Variants in ZNF503 observed in about 807,000 individuals in gnomAD.
ZNF503 encodes zinc finger protein 503.
In ZNF503, 15 loss-of-function variants were observed where a neutral mutation model predicts 34.4. That is an observed-to-expected ratio of 0.44 (90% confidence interval 0.29 to 0.67). The LOEUF (loss-of-function observed/expected upper bound fraction) is 0.67, where lower values mean the gene tolerates loss of function less well. ZNF503 is among the 30% of genes least tolerant of loss of function. ZNF503 has a pLI of 0.13. For missense variants in ZNF503, 1,007 were observed against 926.8 expected, an observed-to-expected ratio of 1.09 and a Z score of -1.12; for synonymous variants, 580 against 456.8, an observed-to-expected ratio of 1.27 and a Z score of -3.44.
chr10:75,304,097 G>C, the ZNF503 span, among the ~76,000 whole-genome samples: 1 of 152,288 alleles, frequency 6.6e-6, no homozygotes, highest in Admixed American at 6.5e-5. Flanking sequence ...GCCTCCCGAA[G>C]TGCTGGGATT....
chr10:75,333,265 G>A, the ZNF503 span, among the ~76,000 whole-genome samples: 188 of 95,058 alleles, frequency 2.0e-3, no homozygotes, highest in African/African-American at 8.0e-3. Context: ...CGGACGGGGC[G>A]GCTGGCCGGG....
chr10:75,333,001 A>G, the ZNF503 span, among the ~76,000 whole-genome samples: 1 of 146,470 alleles, frequency 6.8e-6, no homozygotes. Context: ...CACACCTCCC[A>G]GACGGGGTGG....
chr10:75,342,302 G>GT, the ZNF503 span, among the ~76,000 whole-genome samples: 2 of 152,072 alleles, frequency 1.3e-5, no homozygotes, highest in African/African-American at 2.4e-5. Context: ...GCTCCCACTT[G>GT]TTTTTTTGGT....
the ZNF503 span, among the ~76,000 whole-genome samples, chr10:75,334,029 G>T: frequency 2.3e-5 from 3 of 127,828 alleles, no homozygotes; most frequent in East Asian, 2.2e-4. Flanking sequence ...TGGCGGCCGG[G>T]CGGAGACGCT....
the ZNF503 span, among the ~76,000 whole-genome samples, chr10:75,320,395 C>T: frequency 6.6e-6 from 1 of 152,124 alleles, no homozygotes; most frequent in African/African-American, 2.4e-5. Flanking sequence ...ACAGGAGAAT[C>T]ACTTGAACCC....
chr10:75,345,677 AAG>A, the ZNF503 span, among the ~76,000 whole-genome samples: 2 of 151,824 alleles, frequency 1.3e-5, no homozygotes, highest in Admixed American at 1.3e-4. Flanking sequence ...AAGAAAAAAA[AAG>A]AAAGGACCCC....
At chr10:75,396,447 T>C (rs183123735), downstream of ZNF503, among the ~76,000 whole-genome samples, 112 of 151,744 alleles carry the variant, frequency 7.4e-4, no homozygotes, top group African/African-American at 2.6e-3. The surrounding 1 kb of genome is among the most constrained non-coding windows in gnomAD (Gnocchi z 4.4). Context: ...TGGGGGTGGC[T>C]TTGCGTGCAA....
the ZNF503 span, among the ~76,000 whole-genome samples, chr10:75,313,626 A>C: frequency 1.3e-5 from 2 of 152,222 alleles, no homozygotes; most frequent in Non-Finnish European, 2.9e-5. Flanking sequence ...ACATGAACCC[A>C]CTTGGGATGC....
At chr10:75,385,992 A>G in the ZNF503 span, among the ~76,000 whole-genome samples, 1 of 152,162 alleles carries the variant, frequency 6.6e-6, no homozygotes, top group African/African-American at 2.4e-5. Flanking sequence ...AAGCCATACA[A>G]AAGTCTATCT....
chr10:75,400,967 GA>G (rs1843795106), intron 1 of ZNF503, 137 bp downstream of exon 1: 2 of 1,282,386 alleles, frequency 1.6e-6, no homozygotes, highest in African/African-American at 3.0e-5. Context: ...TTGAGGTACG[GA>G]AGCAGTAGCC....
chr10:75,312,504 C>T, the ZNF503 span, among the ~76,000 whole-genome samples: 2 of 151,984 alleles, frequency 1.3e-5, no homozygotes, highest in African/African-American at 4.8e-5. Context: ...AAATACCTAA[C>T]ATTCAGGATA....
chr10:75,401,835 A>C, upstream of ZNF503: 5 of 195,204 alleles, frequency 2.6e-5, no homozygotes, highest in Non-Finnish European at 5.2e-5. Context: ...TTCCAATCAA[A>C]TGGGAGCCCG....
At chr10:75,293,199 G>A in the ZNF503 span, among the ~76,000 whole-genome samples, 4 of 152,282 alleles carry the variant, frequency 2.6e-5, no homozygotes, top group East Asian at 1.9e-4. Context: ...TATCTTGCTC[G>A]TCCCAGGTGA....
chr10:75,363,570 C>G, the ZNF503 span, among the ~76,000 whole-genome samples: 1 of 152,234 alleles, frequency 6.6e-6, no homozygotes, highest in Non-Finnish European at 1.5e-5. Context: ...AATTCTCCCG[C>G]ATTCCATACA....
chr10:75,401,424 C>T lies in ZNF503; in HGVS notation c.-5G>A, dbSNP rs1434817325. 2.6e-6 allele frequency: 4 copies of T among 1,534,506 alleles called. No individual in the cohort carries two copies. Among genetic ancestry groups the T allele is most frequent in the Admixed American group, 2.0e-5 (1 of 50,756 alleles). ...AAGCGAGGGCGCTGTGCTCATGACC[C>T]ACCCGCGCGCATGGGAGCAGCGGGG... On this transcript the variant is annotated 5_prime_UTR_variant, in exon 1 of 2. Transcript: ENST00000372524.
At chr10:75,305,792 A>G in the ZNF503 span, among the ~76,000 whole-genome samples, 1 of 152,120 alleles carries the variant, frequency 6.6e-6, no homozygotes, top group Non-Finnish European at 1.5e-5. Flanking sequence ...TTTTGTGTCT[A>G]TTCATGGTTT....
chr10:75,400,616 C>T (rs1393378735), intron 1 of ZNF503, among the ~76,000 whole-genome samples: 1 of 152,148 alleles, frequency 6.6e-6, no homozygotes, highest in African/African-American at 2.4e-5. Flanking sequence ...ATCTTTCCTG[C>T]CCTCTCTGAG....
At chr10:75,296,820 G>A in the ZNF503 span, among the ~76,000 whole-genome samples, 2 of 152,102 alleles carry the variant, frequency 1.3e-5, no homozygotes, top group Non-Finnish European at 2.9e-5. Context: ...AGGAGAGGAC[G>A]TGTAGGTACC....
the ZNF503 span, among the ~76,000 whole-genome samples, chr10:75,339,698 T>TG: frequency 3.3e-5 from 5 of 152,036 alleles, no homozygotes; most frequent in African/African-American, 1.2e-4. Flanking sequence ...GCGGAGTCCC[T>TG]GGGGGAAAAG....
Sources: gnomAD v4.1 joint callset for allele counts (sites outside exome capture counted in the v4.1 genomes callset) on GRCh38, gnomAD v4.1.1 for gene constraint, Gnocchi (gnomAD v3.1) non-coding constraint, MANE v1.5 for transcripts, NCBI Gene and HGNC (gene_info 2026-07-23, HGNC 2026-07-21) for gene names.